SLC44A1: variants seen among roughly 807,000 people sequenced by gnomAD.
The protein encoded by SLC44A1 is solute carrier family 44 member 1.
Under a neutral mutation model 79.3 loss-of-function variants are expected in SLC44A1, and 26 were observed. The observed-to-expected ratio is 0.33, with a 90% CI of 0.24 to 0.46. The LOEUF (loss-of-function observed/expected upper bound fraction) is 0.46, where lower values mean the gene tolerates loss of function less well. SLC44A1 is among the 20% of genes least tolerant of loss of function. The pLI, the probability that SLC44A1 is intolerant of heterozygous loss-of-function variation, is 1.00. For synonymous variants in SLC44A1, 263 were observed against 286.2 expected (o/e 0.92, Z 0.82); for missense variants, 688 against 798.1 (o/e 0.86, Z 1.66).
At position 105,394,932 on chromosome 9, in the gene SLC44A1, G is replaced by A. The variant is rs1325794344; in HGVS notation, c.*5876G>A. ...CCTTACCTACTCTATCTTCTTTAGGGAAGCATGTGGATTTCTTCACATCTG... is the reference window on the plus strand; with the variant it reads ...CCTTACCTACTCTATCTTCTTTAGGAAAGCATGTGGATTTCTTCACATCTG... On this transcript the variant is annotated 3_prime_UTR_variant, in exon 16 of 16. Coordinates refer to ENST00000374720, the MANE Select transcript of SLC44A1 (RefSeq NM_080546.5). 1.0e-6 allele frequency: 1 copy of A among 985,254 alleles called. No homozygotes were observed. The highest frequency in any genetic ancestry group is 1.7e-5 in the African/African-American group (1 of 57,198). The allele number at this position is 985,254 out of a possible 1,614,324, so 61.0% of individuals were successfully genotyped here.
chr9:105,261,772 TC>T, intron 1 of SLC44A1, among the ~76,000 whole-genome samples: 1 of 138,174 alleles, frequency 7.2e-6, no homozygotes, highest in East Asian at 2.0e-4. Context: ...TTTCTCTCTC[TC>T]TCTTTTTTTT....
At chr9:105,429,113 C>T (rs1243301687) in intron 15 of SLC44A1, among the ~76,000 whole-genome samples, 1 of 152,216 alleles carries the variant, frequency 6.6e-6, no homozygotes, top group South Asian at 2.1e-4. Context: ...AACAAAGCTG[C>T]ATTCACATCT....
intron 15 of SLC44A1, among the ~76,000 whole-genome samples, chr9:105,412,202 C>A (rs955647456): frequency 6.6e-6 from 1 of 152,130 alleles, no homozygotes; most frequent in African/African-American, 2.4e-5. Context: ...AATTAGTCAT[C>A]AAATACATAT....
intron 1 of SLC44A1, among the ~76,000 whole-genome samples, chr9:105,288,890 A>G (rs1400477058): frequency 6.6e-6 from 1 of 152,214 alleles, no homozygotes; most frequent in African/African-American, 2.4e-5. Context: ...ATGACCAAAT[A>G]TGTTTTGGAG....
chr9:105,358,202 G>A, intron 6 of SLC44A1, 142 bp from the exon 7 acceptor site: 1 of 573,340 alleles, frequency 1.7e-6, no homozygotes, highest in South Asian at 2.5e-5. Context: ...TACAACAGCA[G>A]CTAGTTTCCT....
chr9:105,372,024 G>T (rs571392558), intron 12 of SLC44A1, among the ~76,000 whole-genome samples: 9 of 152,126 alleles, frequency 5.9e-5, no homozygotes, highest in African/African-American at 1.9e-4. Context: ...AAAAACACTT[G>T]GACCACTGCA....
At chr9:105,334,962 TA>T (rs1826866454) in intron 3 of SLC44A1, among the ~76,000 whole-genome samples, 1 of 152,178 alleles carries the variant, frequency 6.6e-6, no homozygotes, top group Admixed American at 6.5e-5. Flanking sequence ...TTCTGAAAGG[TA>T]AAATAAATTA....
intron 1 of SLC44A1, among the ~76,000 whole-genome samples, chr9:105,292,151 C>G (rs1183623168): frequency 1.3e-5 from 2 of 152,272 alleles, no homozygotes; most frequent in East Asian, 3.9e-4. Context: ...ATGCAGTTCT[C>G]TGGCTTAGTC....
rs1828892635 is a variant in SLC44A1, at chr9:105,397,161, T to C, written c.*8105T>C. On this transcript the variant is annotated 3_prime_UTR_variant, in exon 16 of 16. Coordinates refer to ENST00000374720, the MANE Select transcript of SLC44A1 (RefSeq NM_080546.5). ...ATCTGGCTTCAGAGAACAATCAGCC[T>C]ATATGAAACGGAGCTTTGAAATGTT... is the stretch of plus-strand genomic sequence containing the variant. 1 of 985,364 alleles carries C rather than the reference T, an allele frequency of 1.0e-6. No homozygotes were observed. The highest frequency in any genetic ancestry group is 1.7e-5 in the African/African-American group (1 of 57,356). 61.0% of individuals were successfully genotyped at this position (985,364 alleles called of 1,614,324 possible).
chr9:105,244,993 C>T (rs1829394376), intron 1 of SLC44A1, 89 bp downstream of exon 1: 1 of 519,928 alleles, frequency 1.9e-6, no homozygotes, highest in African/African-American at 2.1e-5. Flanking sequence ...ATACCTCTCG[C>T]TGTCCCCAGC....
chr9:105,274,391 C>T (rs1313303671), intron 1 of SLC44A1, among the ~76,000 whole-genome samples: 3 of 152,176 alleles, frequency 2.0e-5, no homozygotes, highest in African/African-American at 4.8e-5. Flanking sequence ...ACTCCTGCCT[C>T]ACTGCTTTTA....
chr9:105,246,494 T>A (rs1459432336), intron 1 of SLC44A1, among the ~76,000 whole-genome samples: 1 of 151,348 alleles, frequency 6.6e-6, no homozygotes, highest in Non-Finnish European at 1.5e-5. Context: ...AAAGTAAAAC[T>A]ATACGTAGAG....
chr9:105,247,592 C>G (rs760251152), intron 1 of SLC44A1, among the ~76,000 whole-genome samples: 2 of 152,194 alleles, frequency 1.3e-5, no homozygotes, highest in Non-Finnish European at 2.9e-5. Context: ...CCACCGCTCC[C>G]TATCAGGGGT....
chr9:105,358,314 T>A (rs1423534715), intron 6 of SLC44A1, 30 bp from the exon 7 acceptor site: 1 of 1,207,116 alleles, frequency 8.3e-7, no homozygotes, highest in Admixed American at 1.9e-5. Flanking sequence ...TTTCAAATAA[T>A]ATTCTATATG....
At chr9:105,382,958 C>G (rs1828516466) in intron 13 of SLC44A1, among the ~76,000 whole-genome samples, 165 bp from the exon 14 acceptor site, 1 of 152,088 alleles carries the variant, frequency 6.6e-6, no homozygotes, top group Non-Finnish European at 1.5e-5. Flanking sequence ...ATGTATAACT[C>G]TGGGTGTATA....
chr9:105,399,279 CTTACAAGCT>C (rs1436336647), downstream of SLC44A1, among the ~76,000 whole-genome samples: 1 of 152,214 alleles, frequency 6.6e-6, no homozygotes, highest in Admixed American at 6.5e-5. Context: ...ACTCTAGGTA[CTTACAAGCT>C]CCCTGGCCAG....
At chr9:105,419,266 G>A (rs1829213487) in intron 15 of SLC44A1, among the ~76,000 whole-genome samples, 1 of 152,174 alleles carries the variant, frequency 6.6e-6, no homozygotes, top group South Asian at 2.1e-4. Context: ...AGATAATGAT[G>A]ATCCTGAAAT....
chr9:105,342,350 T>G (rs1481645141), intron 4 of SLC44A1, among the ~76,000 whole-genome samples: 2 of 152,182 alleles, frequency 1.3e-5, no homozygotes, highest in East Asian at 3.9e-4. Context: ...TACCCACCAG[T>G]TAGTCTCTTA....
At chr9:105,302,708 A>G (rs1830913298) in intron 2 of SLC44A1, among the ~76,000 whole-genome samples, 1 of 151,846 alleles carries the variant, frequency 6.6e-6, no homozygotes, top group African/African-American at 2.4e-5. Context: ...CCTCAGGCCT[A>G]CCTCAGGGAT....
Sources: allele counts gnomAD v4.1 joint callset (sites outside exome capture counted in the v4.1 genomes callset), GRCh38; gene constraint gnomAD v4.1.1; transcripts MANE v1.5; gene names NCBI Gene and HGNC (gene_info 2026-07-23, HGNC 2026-07-21).